The following GALNT13 variants were observed in gnomAD, a reference collection of about 807,000 sequenced individuals.
The protein encoded by GALNT13 is UDP-GalNAc:polypeptide N-acetylgalactosaminyltransferase 13.
GALNT13 carries 28 observed loss-of-function variants against 64.2 expected under a neutral mutation model. The ratio of observed to expected loss-of-function variants is 0.44; its 90% CI spans 0.32 to 0.60. The LOEUF is 0.60. GALNT13 is among the 20% of genes least tolerant of loss of function. The probability of loss-of-function intolerance (pLI) is 0.05; values close to 1 mark genes in which losing one functional copy is unlikely to be tolerated. For missense variants in GALNT13, 577 were observed against 669.8 expected (o/e 0.86, Z 1.53); for synonymous variants, 214 against 224.6 (o/e 0.95, Z 0.42).
chr2:153,681,550 A>G, the GALNT13 span, among the ~76,000 whole-genome samples: 1 of 151,604 alleles, frequency 6.6e-6, no homozygotes, highest in African/African-American at 2.4e-5. Context: ...TTTAAAAAGC[A>G]ACAGAAAGAC....
At chr2:154,207,248 A>G (rs1216815637) in intron 4 of GALNT13, among the ~76,000 whole-genome samples, 1 of 152,130 alleles carries the variant, frequency 6.6e-6, no homozygotes, top group Non-Finnish European at 1.5e-5. Context: ...ACCTCCTGCT[A>G]CATGTTCTAA....
chr2:153,728,242 T>A, the GALNT13 span, among the ~76,000 whole-genome samples: 1 of 152,202 alleles, frequency 6.6e-6, no homozygotes, highest in East Asian at 1.9e-4. Context: ...TGTTTTATAC[T>A]CCTTTGAGTA....
the GALNT13 span, among the ~76,000 whole-genome samples, chr2:153,309,215 A>G: frequency 6.6e-6 from 1 of 152,136 alleles, no homozygotes; most frequent in African/African-American, 2.4e-5. Flanking sequence ...AAACCCCAAA[A>G]CCAAAACCTC....
the GALNT13 span, among the ~76,000 whole-genome samples, chr2:153,729,226 C>A: frequency 6.6e-6 from 1 of 152,100 alleles, no homozygotes; most frequent in Non-Finnish European, 1.5e-5. Flanking sequence ...ATCTTTAAAA[C>A]CCTTTTTCCA....
chr2:153,462,957 T>G, the GALNT13 span, among the ~76,000 whole-genome samples: 26 of 152,212 alleles, frequency 1.7e-4, no homozygotes, highest in Non-Finnish European at 2.1e-4. Flanking sequence ...TTCACTACCC[T>G]GTCTCACATA....
At chr2:153,148,945 T>C in the GALNT13 span, among the ~76,000 whole-genome samples, 1 of 151,870 alleles carries the variant, frequency 6.6e-6, no homozygotes, top group Admixed American at 6.6e-5. Flanking sequence ...TTAAAGATGA[T>C]GTTTGTGTTT....
In GALNT13 at chr2:154,366,761, T is replaced by G. The variant is rs554984937; in HGVS notation, c.1157-29230T>G. 8.5e-5 allele frequency among the ~76,000 whole-genome samples: 13 copies of G among 152,266 alleles called. No individual in the cohort carries two copies. In the East Asian group the frequency reaches 2.5e-3, roughly 29 times the overall value. On this transcript the variant is annotated intron_variant, in intron 9 of 12. Coordinates refer to ENST00000392825, the MANE Select transcript of GALNT13 (RefSeq NM_052917.4). Reference sequence around the variant, plus strand: ...AGTTGGAGTCCAACAATGATTACTGTGTGGAAAGTGATCACCAGAGAAGAG... The same window carrying G: ...AGTTGGAGTCCAACAATGATTACTGGGTGGAAAGTGATCACCAGAGAAGAG...
intron 4 of GALNT13, among the ~76,000 whole-genome samples, chr2:154,237,832 C>T (rs566797670): frequency 1.4e-3 from 213 of 151,754 alleles, no homozygotes; most frequent in African/African-American, 4.8e-3. Flanking sequence ...AAAAATATTA[C>T]ATTATTGTTC....
the GALNT13 span, among the ~76,000 whole-genome samples, chr2:153,696,452 C>T: frequency 6.6e-6 from 1 of 152,070 alleles, no homozygotes; most frequent in African/African-American, 2.4e-5. Flanking sequence ...ACAGACATAC[C>T]TGGGAACAAT....
the GALNT13 span, among the ~76,000 whole-genome samples, chr2:153,645,194 C>T: frequency 4.6e-5 from 7 of 152,058 alleles, no homozygotes; most frequent in African/African-American, 1.2e-4. Context: ...TGGCATAATG[C>T]GCTCTGCTGA....
At chr2:153,674,151 T>A in the GALNT13 span, among the ~76,000 whole-genome samples, 7 of 152,130 alleles carry the variant, frequency 4.6e-5, no homozygotes, top group Admixed American at 2.6e-4. Flanking sequence ...GATTCAATGC[T>A]ATCCCCAACA....
At chr2:153,109,257 A>T in the GALNT13 span, among the ~76,000 whole-genome samples, 1 of 152,140 alleles carries the variant, frequency 6.6e-6, no homozygotes, top group South Asian at 2.1e-4. Context: ...GTCAAGCCAA[A>T]GGTTGAAACA....
At chr2:153,458,397 TC>T in the GALNT13 span, among the ~76,000 whole-genome samples, 3 of 152,208 alleles carry the variant, frequency 2.0e-5, no homozygotes, top group Middle Eastern at 3.4e-3. Context: ...CAATCCAAGT[TC>T]CCCCTGCCAT....
At chr2:153,883,534 G>C (rs1371196145) in intron 1 of GALNT13, among the ~76,000 whole-genome samples, 1 of 151,936 alleles carries the variant, frequency 6.6e-6, no homozygotes, top group Non-Finnish European at 1.5e-5. Flanking sequence ...GTTACTCCAG[G>C]TTGAACCTCA....
the GALNT13 span, among the ~76,000 whole-genome samples, chr2:153,437,631 A>G: frequency 2.6e-5 from 4 of 152,210 alleles, no homozygotes; most frequent in African/African-American, 7.2e-5. Context: ...CTGTTTTATC[A>G]GAGACTAGGA....
chr2:153,514,315 CA>C, the GALNT13 span, among the ~76,000 whole-genome samples: 2 of 152,118 alleles, frequency 1.3e-5, no homozygotes, highest in African/African-American at 4.8e-5. Flanking sequence ...CCACTGTTGC[CA>C]ATTGATTGTT....
chr2:153,598,456 G>T, the GALNT13 span, among the ~76,000 whole-genome samples: 1 of 152,016 alleles, frequency 6.6e-6, no homozygotes, highest in African/African-American at 2.4e-5. Context: ...GCAAACTCCT[G>T]TCTTACTCTT....
chr2:154,334,240 A>G (rs1265034269), intron 9 of GALNT13, among the ~76,000 whole-genome samples: 2 of 152,076 alleles, frequency 1.3e-5, no homozygotes, highest in African/African-American at 4.8e-5. Flanking sequence ...GCTAATCTCA[A>G]ACTTTTGAAA....
intron 11 of GALNT13, chr2:154,409,427 C>T: frequency 4.4e-6 from 1 of 227,166 alleles, no homozygotes; most frequent in Non-Finnish European, 8.7e-6. Context: ...TGATGTTTTC[C>T]CAATGGTTAT....
Sources: gnomAD v4.1 joint callset for allele counts (sites outside exome capture counted in the v4.1 genomes callset) on GRCh38, gnomAD v4.1.1 for gene constraint, MANE v1.5 for transcripts, NCBI Gene and HGNC (gene_info 2026-07-23, HGNC 2026-07-21) for gene names.